OLR1: variants seen among roughly 807,000 people sequenced by gnomAD.
The protein encoded by OLR1 is oxidized low-density lipoprotein receptor 1.
In OLR1, 23 loss-of-function variants were observed where a neutral mutation model predicts 31.7. The observed-to-expected ratio is 0.72, with a 90% CI of 0.52 to 1.03. The LOEUF is 1.03. Among genes scored for constraint, OLR1 ranks in the 50% least tolerant of loss-of-function variants. The pLI is 0.00. For synonymous variants in OLR1, 117 were observed against 115.8 expected, an observed-to-expected ratio of 1.01 and a Z score of -0.07; for missense variants, 286 against 315.7, an observed-to-expected ratio of 0.91 and a Z score of 0.71.
At chr12:10,163,855 C>T (rs949829745) in intron 3 of OLR1, among the ~76,000 whole-genome samples, 1 of 151,786 alleles carries the variant, frequency 6.6e-6, no homozygotes. Flanking sequence ...TGCTTGACTC[C>T]GGGAGGCGGA....
At position 10,165,249 on chromosome 12, in the gene OLR1, C is replaced by T. The variant is rs35478509; in HGVS notation, c.424+1463G>A. Reference sequence around the variant, plus strand: ...CTGCCCTCCAGCCTGGGGGACAGAGCGAGACTCCCTCTCAAAAAAAAAAAA... The same window carrying T: ...CTGCCCTCCAGCCTGGGGGACAGAGTGAGACTCCCTCTCAAAAAAAAAAAA... On this transcript the variant is annotated intron_variant, in intron 3 of 5. Transcript: ENST00000309539. 8.8e-3 allele frequency among the ~76,000 whole-genome samples: 1,256 copies of T among 142,642 alleles called. 15 individuals carry two copies. Among genetic ancestry groups the T allele is most frequent in the African/African-American group, 0.031 (1,170 of 38,118 alleles). The allele number at this position is 142,642 out of a possible 152,430, so 93.6% of individuals were successfully genotyped here.
chr12:10,168,811 A>T (rs1010322404), intron 2 of OLR1, among the ~76,000 whole-genome samples: 3 of 152,174 alleles, frequency 2.0e-5, no homozygotes, highest in Non-Finnish European at 4.4e-5. Flanking sequence ...GAAGTTATGA[A>T]AACAAAAGAA....
Position 10,172,051 on chromosome 12 carries a change from C to T in OLR1, c.27G>A (p.Gln9=). 6.2e-7 allele frequency: 1 copy of T among 1,613,852 alleles called. No individual in the cohort carries two copies. Among genetic ancestry groups the T allele is most frequent in the Non-Finnish European group, 8.5e-7 (1 of 1,179,858 alleles). The part of the protein sequence containing the change: MTFDDLKI[Q]TVKDQPDEKS... Reference sequence around the variant, plus strand: ...TCTCATCAGGCTGGTCCTTCACAGTCTGGATCTTTAGGTCATCAAAAGTCA... The same window carrying T: ...TCTCATCAGGCTGGTCCTTCACAGTTTGGATCTTTAGGTCATCAAAAGTCA... Residue 9 remains glutamine (Q), a synonymous_variant, in exon 1 of 6, where the codon CAG becomes CAA. Coordinates refer to ENST00000309539, the MANE Select transcript of OLR1 (RefSeq NM_002543.4).
intron 4 of OLR1, 121 bp from the exon 5 acceptor site, chr12:10,160,583 C>A: frequency 3.1e-6 from 3 of 982,126 alleles, no homozygotes; most frequent in African/African-American, 3.2e-5. Context: ...ATCCCCTTGA[C>A]TGTTTTACGG....
rs544625681 is a variant in OLR1 at position 10,168,172 on chromosome 12, G to A, written c.178+902C>T. 1.6e-4 allele frequency among the ~76,000 whole-genome samples: 24 copies of A among 152,244 alleles called. No individual in the cohort carries two copies. The South Asian group carries it at 4.1e-3, about 26-fold the overall frequency. ...AAATTCACAGGCAGTTCAGGTGAAC[G>A]TTGGGCACCATTTTCTTTCCTTCTT... On this transcript the variant is annotated intron_variant, in intron 2 of 5. Transcript: ENST00000309539.
At chr12:10,171,905 T>G in intron 1 of OLR1, 97 bp downstream of exon 1, 1 of 825,550 alleles carries the variant, frequency 1.2e-6, no homozygotes, top group Non-Finnish European at 2.0e-6. Context: ...TTCCCATACT[T>G]GGGTGTTTAG....
At chr12:10,161,743 A>G (rs12822177) in intron 3 of OLR1, among the ~76,000 whole-genome samples, 61,041 of 151,902 alleles carry the variant, frequency 0.4, 13,730 homozygotes, top group Middle Eastern at 0.57. Flanking sequence ...TGTAAAACAC[A>G]CAAAAGATTT....
intron 1 of OLR1, among the ~76,000 whole-genome samples, chr12:10,169,815 C>T (rs915966095): frequency 1.3e-5 from 2 of 151,982 alleles, no homozygotes; most frequent in Admixed American, 1.3e-4. Flanking sequence ...GCATATCCTA[C>T]ACTCACGCCA....
Position 10,160,943 on chromosome 12 carries a change from T to A in OLR1, c.425-18A>T. 6 of 1,609,978 alleles carry A rather than the reference T, an allele frequency of 3.7e-6. No homozygotes were observed. The highest frequency in any genetic ancestry group is 5.1e-6 in the Non-Finnish European group (6 of 1,176,568). On this transcript the variant is annotated intron_variant, in intron 3 of 5. Transcript: ENST00000309539. The stretch of plus-strand genomic sequence containing the variant: ...ACAAGGAGCTGGGAAGGATAGTATA[T>A]CTCATCAGTCAGTTATGTTTGTGTA...
intron 5 of OLR1, 35 bp downstream of exon 5, chr12:10,160,311 TG>T: frequency 6.6e-7 from 1 of 1,512,354 alleles, no homozygotes; most frequent in Non-Finnish European, 9.1e-7. Flanking sequence ...AATAGGAAAC[TG>T]ACGAGAGAGG....
chr12:10,158,746 C>T lies in OLR1; in HGVS notation c.*1134G>A, dbSNP rs1344022264. On this transcript the variant is annotated 3_prime_UTR_variant, in exon 6 of 6. Transcript: ENST00000309539. ...TTATGTTAATTATATCTCAATAAAG[C>T]TTTTAACAAAAGCAAACATCTCTTG... The T allele has an allele frequency of 6.6e-6, 1 of 151,354 alleles. No homozygotes were observed. The highest frequency in any genetic ancestry group is 6.6e-5 in the Admixed American group (1 of 15,180). The allele number at this position is 151,354 out of a possible 1,614,324, so 9.4% of individuals were successfully genotyped here.
chr12:10,168,457 A>G (rs1475693048), intron 2 of OLR1, among the ~76,000 whole-genome samples: 1 of 152,216 alleles, frequency 6.6e-6, no homozygotes, highest in Non-Finnish European at 1.5e-5. Context: ...CCATCATTCT[A>G]GAATTTAAAT....
rs1948591238 is a variant in OLR1, at chr12:10,158,316, C to T, written c.*1564G>A. 1 of 152,152 alleles carries T rather than the reference C, an allele frequency of 6.6e-6. No individual in the cohort carries two copies. The highest frequency in any genetic ancestry group is 6.5e-5 in the Admixed American group (1 of 15,274). The allele number at this position is 152,152 out of a possible 1,614,324, so 9.4% of individuals were successfully genotyped here. ...TCATACAGACTTGTACACAAATGTT[C>T]ACAGCAGCTTTATTTGTAATATCCC... On this transcript the variant is annotated 3_prime_UTR_variant, in exon 6 of 6. Coordinates refer to ENST00000309539, the MANE Select transcript of OLR1 (RefSeq NM_002543.4).
In OLR1 at chr12:10,159,794, A is replaced by C; in HGVS notation, c.*86T>G. On this transcript the variant is annotated 3_prime_UTR_variant, in exon 6 of 6. Transcript: ENST00000309539. ...CTAAATGACAGTTTTCTGGGCTCTC[A>C]TGTTTGGCACCCAAGTGACAAAGAA... 1 of 1,380,174 alleles carries C rather than the reference A, an allele frequency of 7.2e-7. No homozygotes were observed. Among genetic ancestry groups the C allele is most frequent in the South Asian group, 1.4e-5 (1 of 69,328 alleles). The allele number at this position is 1,380,174 out of a possible 1,614,324, so 85.5% of individuals were successfully genotyped here.
In OLR1 at chr12:10,160,468, G is replaced by A. The variant is rs752232471; in HGVS notation, c.565-6C>T. Reference sequence around the variant, plus strand: ...ATTGCTTGCTGGATGAAGTCCTGTGGGGAGTAATGTTTCTGAGTTTGTGGA... The same window carrying A: ...ATTGCTTGCTGGATGAAGTCCTGTGAGGAGTAATGTTTCTGAGTTTGTGGA... On this transcript the variant is annotated splice_region_variant and splice_polypyrimidine_tract_variant and intron_variant, in intron 4 of 5. Coordinates refer to ENST00000309539, the MANE Select transcript of OLR1 (RefSeq NM_002543.4). 19 of 1,600,524 alleles carry A rather than the reference G, an allele frequency of 1.2e-5. No homozygotes were observed. The South Asian group carries it at 2.1e-4, about 18-fold the overall frequency.
Position 10,159,978 on chromosome 12 carries a change from T to G in OLR1, c.724A>C (p.Thr242Pro). ...GAVSQTYPSG[T>P]CAYIQRGAVY... ...GCTCCTCGTTGTATATATGCACAGG[T>G]ACCTGAAGGGTATGTCTGGGAGACA... The change falls in exon 6 of 6, where the codon ACC becomes CCC. Residue 242 changes from threonine (T) to proline (P), a missense_variant. Thr to Pro is a conservative substitution (Grantham distance 38). Transcript: ENST00000309539. 6.2e-7 allele frequency: 1 copy of G among 1,614,022 alleles called. No homozygotes were observed. Among genetic ancestry groups the G allele is most frequent in the Non-Finnish European group, 8.5e-7 (1 of 1,179,916 alleles).
At chr12:10,175,882 G>A (rs991703017), upstream of OLR1, among the ~76,000 whole-genome samples, 2 of 152,192 alleles carry the variant, frequency 1.3e-5, no homozygotes, top group African/African-American at 4.8e-5. Flanking sequence ...ACTTAGGCAA[G>A]GTCAAAAGGA....
At chr12:10,166,655 G>A in intron 3 of OLR1, 57 bp downstream of exon 3, 1 of 1,600,200 alleles carries the variant, frequency 6.2e-7, no homozygotes, top group Non-Finnish European at 8.5e-7. Flanking sequence ...CCAAAAAATA[G>A]TTATGATTGG....
Position 10,159,750 on chromosome 12 carries a change from A to G in OLR1, c.*130T>C, listed in dbSNP as rs946641968. The G allele has an allele frequency of 1.2e-6, 1 of 855,712 alleles. No individual in the cohort carries two copies. Among genetic ancestry groups the G allele is most frequent in the Non-Finnish European group, 1.7e-6 (1 of 584,854 alleles). The allele number at this position is 855,712 out of a possible 1,614,324, so 53.0% of individuals were successfully genotyped here. A position where few individuals can be genotyped will look rare whatever the true frequency, so the allele number is the denominator to read the frequency against. On this transcript the variant is annotated 3_prime_UTR_variant, in exon 6 of 6. Transcript: ENST00000309539. ...AGGCTCCTGGAACCCCAGTTTCTGCAAAGGAGTTCTGCAGCCAGCTAAATG... is the reference window on the plus strand; with the variant it reads ...AGGCTCCTGGAACCCCAGTTTCTGCGAAGGAGTTCTGCAGCCAGCTAAATG...
Sources: gnomAD v4.1 joint callset for allele counts (sites outside exome capture counted in the v4.1 genomes callset) on GRCh38, gnomAD v4.1.1 for gene constraint, MANE v1.5 for transcripts, NCBI Gene and HGNC (gene_info 2026-07-23, HGNC 2026-07-21) for gene names.